Variants in MRTFB observed in about 807,000 individuals in gnomAD.
The protein encoded by MRTFB is myocardin-related transcription factor B.
A neutral mutation model predicts 104.2 loss-of-function variants in MRTFB; 29 were observed. That is an observed-to-expected ratio of 0.28 (90% confidence interval 0.21 to 0.38). MRTFB has a LOEUF of 0.38. MRTFB is among the 10% of genes least tolerant of loss of function. MRTFB has a pLI of 1.00. For synonymous variants in MRTFB, 535 were observed against 519.5 expected (o/e 1.03, Z -0.41); for missense variants, 1,270 against 1,341.6 (o/e 0.95, Z 0.83).
intron 2 of MRTFB, among the ~76,000 whole-genome samples, chr16:14,114,638 T>C (rs2036442378): frequency 6.6e-6 from 1 of 152,206 alleles, no homozygotes; most frequent in Non-Finnish European, 1.5e-5. Context: ...TCTGGTTTGC[T>C]TCAGTTCAGT....
At chr16:14,022,854 G>A in the MRTFB span, among the ~76,000 whole-genome samples, 53 of 145,906 alleles carry the variant, frequency 3.6e-4, no homozygotes, top group South Asian at 1.3e-3. Context: ...CTGCAACCAC[G>A]CCTGGCTACT....
intron 8 of MRTFB, among the ~76,000 whole-genome samples, chr16:14,221,885 G>T (rs1251273152): frequency 1.3e-5 from 2 of 148,276 alleles, no homozygotes; most frequent in Non-Finnish European, 3.0e-5. Context: ...GGGTTCAAGC[G>T]ATTCTCCCGC....
chr16:14,247,213 G>A lies in MRTFB; in HGVS notation c.1953G>A (p.Arg651=), dbSNP rs1464809644. ...EASLPDCSSS[R]QPIPVASHAV... is the part of the protein sequence containing the mutation. The stretch of plus-strand genomic sequence containing the variant: ...CACTCCCTGACTGCTCCAGCTCCAG[G>A]CAGCCCATCCCAGTAGCCAGCCACG... Residue 651 remains arginine, a synonymous_variant, in exon 12 of 17, where the codon AGG becomes AGA. Coordinates refer to ENST00000571589, the MANE Select transcript of MRTFB (RefSeq NM_001308142.2). The A allele has an allele frequency of 1.2e-6, 2 of 1,614,162 alleles. No homozygotes were observed. Among genetic ancestry groups the A allele is most frequent in the Non-Finnish European group, 1.7e-6 (2 of 1,180,040 alleles).
chr16:14,140,045 A>G (rs1446571298), intron 2 of MRTFB, among the ~76,000 whole-genome samples: 1 of 152,188 alleles, frequency 6.6e-6, no homozygotes, highest in African/African-American at 2.4e-5. Context: ...CATGAACTGT[A>G]TGTCCATTGT....
chr16:14,150,627 A>C (rs1018783023), intron 3 of MRTFB, among the ~76,000 whole-genome samples: 1 of 152,182 alleles, frequency 6.6e-6, no homozygotes, highest in African/African-American at 2.4e-5. Context: ...TTGAGCCTGG[A>C]GTTCAAGACC....
chr16:14,039,817 C>T, the MRTFB span, among the ~76,000 whole-genome samples: 2 of 145,778 alleles, frequency 1.4e-5, no homozygotes, highest in Non-Finnish European at 3.0e-5. Context: ...GACGCAATCT[C>T]GGCTCACTGC....
intron 14 of MRTFB, 111 bp downstream of exon 14, chr16:14,252,134 G>C (rs1295683125): frequency 3.0e-6 from 4 of 1,318,646 alleles, no homozygotes; most frequent in Non-Finnish European, 4.2e-6. Context: ...TAAAATTGTT[G>C]AAAATACAGT....
At chr16:14,221,565 A>G (rs1192187887) in intron 8 of MRTFB, among the ~76,000 whole-genome samples, 1 of 152,168 alleles carries the variant, frequency 6.6e-6, no homozygotes, top group East Asian at 1.9e-4. Context: ...CACAAAGACG[A>G]GCTATGACAC....
At chr16:14,151,991 C>T (rs939649425) in intron 3 of MRTFB, 2 of 152,122 alleles carry the variant, frequency 1.3e-5, no homozygotes, top group African/African-American at 4.8e-5. Context: ...ATAGAATTTT[C>T]TCCTTATGTG....
At chr16:14,058,717 T>A in the MRTFB span, among the ~76,000 whole-genome samples, 10 of 128,660 alleles carry the variant, frequency 7.8e-5, no homozygotes, top group African/African-American at 3.4e-4. Context: ...TATTTGTTTT[T>A]TTTTTTTTTT....
chr16:14,244,203 C>T (rs1013617308), intron 10 of MRTFB, among the ~76,000 whole-genome samples: 2 of 152,136 alleles, frequency 1.3e-5, no homozygotes, highest in African/African-American at 2.4e-5. Context: ...CTACGTGCAT[C>T]TTTGTTGGTG....
intron 2 of MRTFB, among the ~76,000 whole-genome samples, chr16:14,091,050 AGT>A (rs2035032438): frequency 6.6e-6 from 1 of 152,064 alleles, no homozygotes; most frequent in Non-Finnish European, 1.5e-5. Context: ...AGTGATGGGG[AGT>A]CACTGAAGAG....
rs551838262 is a variant in MRTFB at position 14,203,813 on chromosome 16, A to C, written c.155-6430A>C. ...AGGAAGACTCTGTCTCGAAAAAAAA[A>C]AAAAAAAAAAAAAAAATTTCAACAT... On this transcript the variant is annotated intron_variant, in intron 3 of 16. Coordinates refer to ENST00000571589, the MANE Select transcript of MRTFB (RefSeq NM_001308142.2). Among the ~76,000 whole-genome samples, 567 of 151,752 alleles carry C rather than the reference A, an allele frequency of 3.7e-3. 1 individual carries two copies. The highest frequency in any genetic ancestry group is 6.8e-3 in the Middle Eastern group (2 of 294).
At chr16:14,082,262 A>G (rs977040986) in intron 2 of MRTFB, among the ~76,000 whole-genome samples, 1 of 152,156 alleles carries the variant, frequency 6.6e-6, no homozygotes, top group Non-Finnish European at 1.5e-5. Context: ...GCATGTGGGT[A>G]TCCAGTTTTG....
intron 3 of MRTFB, among the ~76,000 whole-genome samples, chr16:14,191,499 T>C (rs892767489): frequency 6.6e-6 from 1 of 152,252 alleles, no homozygotes; most frequent in Admixed American, 6.5e-5. Flanking sequence ...TAGTGTAATA[T>C]AGAGCTGCAC....
the MRTFB span, among the ~76,000 whole-genome samples, chr16:14,011,656 C>A: frequency 2.6e-5 from 4 of 152,096 alleles, no homozygotes; most frequent in Admixed American, 6.5e-5. Context: ...GAGGCTGAGG[C>A]GGGCAGATCA....
the MRTFB span, among the ~76,000 whole-genome samples, chr16:14,042,569 C>T: frequency 1.3e-5 from 2 of 152,072 alleles, no homozygotes; most frequent in East Asian, 1.9e-4. Flanking sequence ...ATCAGTTGTC[C>T]CAAATCACAG....
intron 6 of MRTFB, chr16:14,214,927 G>A (rs2041352523): frequency 6.6e-6 from 1 of 152,174 alleles, no homozygotes; most frequent in African/African-American, 2.4e-5. Flanking sequence ...GTTCTCAGAA[G>A]TCCGCTGGAC....
chr16:14,229,635 A>T (rs1164117949), intron 8 of MRTFB, among the ~76,000 whole-genome samples: 2 of 152,236 alleles, frequency 1.3e-5, no homozygotes, highest in African/African-American at 4.8e-5. Flanking sequence ...ATAGAGCTTT[A>T]ATCAGCTGAG....
Sources: gnomAD v4.1 joint callset for allele counts (sites outside exome capture counted in the v4.1 genomes callset) on GRCh38, gnomAD v4.1.1 for gene constraint, MANE v1.5 for transcripts, NCBI Gene and HGNC (gene_info 2026-07-23, HGNC 2026-07-21) for gene names.